NCEH1: variants seen among roughly 807,000 people sequenced by gnomAD.
NCEH1 encodes neutral cholesterol ester hydrolase 1, also known as 2-acetyl MAGE hydrolase.
NCEH1 carries 9 observed loss-of-function variants against 25.4 expected under a neutral mutation model. The observed-to-expected ratio is 0.35, with a 90% confidence interval of 0.21 to 0.62. NCEH1 has a LOEUF of 0.62. Among genes scored for constraint, NCEH1 ranks in the 20% least tolerant of loss-of-function variants. The pLI is 0.72. For missense variants in NCEH1, 412 were observed against 501.1 expected, an observed-to-expected ratio of 0.82 and a Z score of 1.70; for synonymous variants, 200 against 199.8, an observed-to-expected ratio of 1.00 and a Z score of -0.01.
intron 1 of NCEH1, among the ~76,000 whole-genome samples, chr3:172,694,549 A>T (rs1471900336): frequency 6.6e-6 from 1 of 152,204 alleles, no homozygotes; most frequent in African/African-American, 2.4e-5. Context: ...ACATTGCCAA[A>T]GTCAAAACAT....
At chr3:172,663,719 C>T (rs1001196827) in intron 1 of NCEH1, among the ~76,000 whole-genome samples, 57 of 152,028 alleles carry the variant, frequency 3.7e-4, no homozygotes, top group Non-Finnish European at 7.2e-4. Flanking sequence ...TATGTAATGG[C>T]CTTCTTTGTC....
intron 1 of NCEH1, among the ~76,000 whole-genome samples, chr3:172,686,439 G>A (rs1445933891): frequency 6.6e-6 from 1 of 152,242 alleles, no homozygotes; most frequent in Non-Finnish European, 1.5e-5. Context: ...TCCACATAGT[G>A]TGTATTTCTG....
At chr3:172,705,972 T>C (rs897321287) in intron 1 of NCEH1, among the ~76,000 whole-genome samples, 31 of 132,482 alleles carry the variant, frequency 2.3e-4, no homozygotes, top group Admixed American at 1.4e-3. Context: ...CACTCCAGCC[T>C]GGGTGACACA....
Position 172,633,675 on chromosome 3 carries a change from G to A in NCEH1, c.1027C>T (p.Leu343=). 2 of 1,614,238 alleles carry A rather than the reference G, an allele frequency of 1.2e-6. No individual in the cohort carries two copies. Among genetic ancestry groups the A allele is most frequent in the Non-Finnish European group, 1.7e-6 (2 of 1,180,030 alleles). The change falls in exon 5 of 5, where the codon CTG becomes TTG. Residue 343 remains leucine (L), a synonymous_variant. Transcript: ENST00000475381. ...CTGAGGACATCATGCTCACACGTCA[G>A]AATGTAGGTCTTTGGGAGGAGCTGC... The part of the protein sequence containing the change: ...VLQLLPKTYI[L]TCEHDVLRDD...
chr3:172,656,268 CAA>C (rs1162500406), intron 1 of NCEH1, among the ~76,000 whole-genome samples: 5 of 151,904 alleles, frequency 3.3e-5, no homozygotes, highest in South Asian at 2.1e-4. Context: ...AAGAGCTTGT[CAA>C]GAGAGAGACA....
intron 1 of NCEH1, among the ~76,000 whole-genome samples, chr3:172,657,147 C>A (rs1044081461): frequency 1.3e-5 from 2 of 152,232 alleles, no homozygotes; most frequent in East Asian, 1.9e-4. Flanking sequence ...TTCCTTCTTT[C>A]CTTGAGCAAG....
At chr3:172,686,752 G>A (rs494694) in intron 1 of NCEH1, among the ~76,000 whole-genome samples, 92,716 of 151,992 alleles carry the variant, frequency 0.61, 30,488 homozygotes, top group African/African-American at 0.86. Context: ...TAAACTTTCC[G>A]CACTTCCTTT....
chr3:172,686,337 C>T (rs886186926), intron 1 of NCEH1, among the ~76,000 whole-genome samples: 3 of 152,186 alleles, frequency 2.0e-5, no homozygotes, highest in African/African-American at 2.4e-5. Context: ...CAGTTCTTTC[C>T]GGTCTTCCGC....
intron 1 of NCEH1, among the ~76,000 whole-genome samples, chr3:172,677,667 G>A (rs1286006601): frequency 1.3e-5 from 2 of 152,248 alleles, no homozygotes; most frequent in Non-Finnish European, 2.9e-5. Context: ...GGCGGCTCAC[G>A]CCTGTAATCC....
rs965541803 is a variant in NCEH1, at chr3:172,635,144, T to A, written c.609+772A>T. Among the ~76,000 whole-genome samples, 4 of 152,318 alleles carry A rather than the reference T, an allele frequency of 2.6e-5. No homozygotes were observed. In the East Asian group the frequency reaches 7.7e-4, roughly 29 times the overall value. ...TCAAAGCCAAGAATGTTCTCTCCAC[T>A]GAGCCAAGACTCTCTTCTGACCATA... On this transcript the variant is annotated intron_variant, in intron 4 of 4. Transcript: ENST00000475381.
intron 1 of NCEH1, among the ~76,000 whole-genome samples, chr3:172,658,664 T>C (rs920688771): frequency 6.6e-6 from 1 of 152,114 alleles, no homozygotes; most frequent in African/African-American, 2.4e-5. Context: ...AGAACCTTAC[T>C]GCCACTACAT....
At chr3:172,702,825 AAAT>A (rs1351590907) in intron 1 of NCEH1, among the ~76,000 whole-genome samples, 1 of 151,868 alleles carries the variant, frequency 6.6e-6, no homozygotes, top group Non-Finnish European at 1.5e-5. Flanking sequence ...CTCTCCTAAA[AAAT>A]AAAAAAAGAA....
intron 1 of NCEH1, among the ~76,000 whole-genome samples, chr3:172,652,601 G>A: frequency 6.6e-6 from 1 of 152,168 alleles, no homozygotes; most frequent in East Asian, 1.9e-4. Context: ...AAGGATGAAG[G>A]CTTAAAATAT....
intron 1 of NCEH1, among the ~76,000 whole-genome samples, chr3:172,649,484 T>G (rs1436166290): frequency 6.6e-6 from 1 of 152,204 alleles, no homozygotes; most frequent in Non-Finnish European, 1.5e-5. Context: ...AACTGCCCAA[T>G]TTACTGAACA....
chr3:172,686,059 G>A (rs537072322), intron 1 of NCEH1, among the ~76,000 whole-genome samples: 3 of 148,984 alleles, frequency 2.0e-5, no homozygotes, highest in East Asian at 3.9e-4. Context: ...CACAATGCAC[G>A]TCAGCTTTTG....
chr3:172,655,032 A>G (rs1363739742), intron 1 of NCEH1, among the ~76,000 whole-genome samples: 2 of 152,260 alleles, frequency 1.3e-5, no homozygotes, highest in Non-Finnish European at 2.9e-5. Context: ...GAGGCTGTCC[A>G]AAGAGACTGC....
chr3:172,648,756 T>C (rs1173394793), intron 1 of NCEH1, among the ~76,000 whole-genome samples: 1 of 152,150 alleles, frequency 6.6e-6, no homozygotes, highest in Non-Finnish European at 1.5e-5. Flanking sequence ...TTTTTAGAAA[T>C]GAGGCAAAGA....
intron 1 of NCEH1, among the ~76,000 whole-genome samples, chr3:172,664,242 A>C (rs1718098767): frequency 6.6e-6 from 1 of 152,202 alleles, no homozygotes. Flanking sequence ...TGGATATGAA[A>C]TTCTGGGTTG....
At chr3:172,680,422 G>A (rs1712283295) in intron 1 of NCEH1, among the ~76,000 whole-genome samples, 1 of 152,042 alleles carries the variant, frequency 6.6e-6, no homozygotes, top group African/African-American at 2.4e-5. Flanking sequence ...CTTCTGGACA[G>A]ACAACTGATC....
Sources: allele counts gnomAD v4.1 joint callset (sites outside exome capture counted in the v4.1 genomes callset), GRCh38; gene constraint gnomAD v4.1.1; transcripts MANE v1.5; gene names NCBI Gene and HGNC (gene_info 2026-07-23, HGNC 2026-07-21).